MEF2D: variants seen among roughly 807,000 people sequenced by gnomAD.
The protein encoded by MEF2D is myocyte enhancer factor 2D.
Under a neutral mutation model 59.3 loss-of-function variants are expected in MEF2D, and 10 were observed. That is an observed-to-expected ratio of 0.17 (90% confidence interval 0.10 to 0.29). The LOEUF (loss-of-function observed/expected upper bound fraction) is 0.29, where lower values mean the gene tolerates loss of function less well. MEF2D is among the 10% of genes least tolerant of loss of function. The pLI is 1.00. For synonymous variants in MEF2D, 305 were observed against 295.0 expected (o/e 1.03, Z -0.35); for missense variants, 508 against 699.4 (o/e 0.73, Z 3.09).
At chr1:156,469,068 CAG>C in intron 9 of MEF2D, 48 bp from the exon 10 acceptor site, 1 of 1,553,934 alleles carries the variant, frequency 6.4e-7, no homozygotes, top group Non-Finnish European at 8.7e-7. Flanking sequence ...GGAGAGCACA[CAG>C]GCTCCTATGA....
intron 3 of MEF2D, among the ~76,000 whole-genome samples, chr1:156,481,875 C>T (rs191721714): frequency 3.4e-4 from 52 of 152,308 alleles, no homozygotes; most frequent in African/African-American, 1.1e-3. Context: ...CACCAAGGCT[C>T]GGGAAAGCCT....
intron 11 of MEF2D, 145 bp downstream of exon 11, chr1:156,467,848 T>G (rs1571211115): frequency 9.1e-6 from 10 of 1,093,674 alleles, no homozygotes; most frequent in Non-Finnish European, 1.0e-5. Flanking sequence ...GGTGAAGGGG[T>G]GTTGGTGCTG....
At position 156,483,293 on chromosome 1, in the gene MEF2D, C is replaced by G. The variant is rs759825218; in HGVS notation, c.-1G>C. ...GGATCTGAATCTTTTTCCTCCCCAT[C>G]TTCTCCGGGGGTCCTCAGTGCTACG... On this transcript the variant is annotated 5_prime_UTR_variant, in exon 2 of 12. Coordinates refer to ENST00000348159, the MANE Select transcript of MEF2D (RefSeq NM_005920.4). 4 of 1,614,192 alleles carry G rather than the reference C, an allele frequency of 2.5e-6. No individual in the cohort carries two copies. Among genetic ancestry groups the G allele is most frequent in the Non-Finnish European group, 2.5e-6 (3 of 1,180,030 alleles).
Position 156,466,282 on chromosome 1 carries a change from A to T in MEF2D, c.*1363T>A, listed in dbSNP as rs1039991063. 1.3e-5 allele frequency: 2 copies of T among 151,810 alleles called. No homozygotes were observed. Among genetic ancestry groups the T allele is most frequent in the Non-Finnish European group, 2.9e-5 (2 of 68,040 alleles). The allele number at this position is 151,810 out of a possible 1,614,324, so 9.4% of individuals were successfully genotyped here. A position where few individuals can be genotyped will look rare whatever the true frequency, so the allele number is the denominator to read the frequency against. On this transcript the variant is annotated 3_prime_UTR_variant, in exon 12 of 12. Coordinates refer to ENST00000348159, the MANE Select transcript of MEF2D (RefSeq NM_005920.4). ...TTTGACAAAAATAGAATCTCATTTC[A>T]TATCAATACAACAACAACAAAAAAA... is the stretch of plus-strand genomic sequence containing the variant.
chr1:156,467,983 G>A lies in MEF2D; in HGVS notation c.1554+10C>T. 4 of 1,604,752 alleles carry A rather than the reference G, an allele frequency of 2.5e-6. No individual in the cohort carries two copies. Among genetic ancestry groups the A allele is most frequent in the Non-Finnish European group, 3.4e-6 (4 of 1,175,928 alleles). ...GACACTGGCAGACAGGAGAGGTGAT[G>A]CTACAGTACCCAGGTATCAAGCCGC... is the stretch of plus-strand genomic sequence containing the variant. On this transcript the variant is annotated intron_variant, in intron 11 of 11. Coordinates refer to ENST00000348159, the MANE Select transcript of MEF2D (RefSeq NM_005920.4).
rs1366527509 is a variant in MEF2D, at chr1:156,476,498, T to C, written c.872A>G (p.Asp291Gly). ...LMHHLTEDHLDLNNAQRLGVS... is the reference protein window; with the variant it reads ...LMHHLTEDHLGLNNAQRLGVS... ...AGAGCTCACAGCCTCACTTACCAGATCTAAATGGTCCTCAGTCTGAGAGCA... is the reference window on the plus strand; with the variant it reads ...AGAGCTCACAGCCTCACTTACCAGACCTAAATGGTCCTCAGTCTGAGAGCA... Residue 291 changes from aspartate to glycine, a missense_variant, in exon 8 of 12, where the codon GAT becomes GGT. Physicochemically the swap from Asp to Gly is moderately conservative, Grantham distance 94. Coordinates refer to ENST00000348159, the MANE Select transcript of MEF2D (RefSeq NM_005920.4). 1 of 1,612,010 alleles carries C rather than the reference T, an allele frequency of 6.2e-7. No individual in the cohort carries two copies. Among genetic ancestry groups the C allele is most frequent in the Admixed American group, 1.7e-5 (1 of 59,698 alleles).
rs372403302 is a variant in MEF2D, at chr1:156,493,392, C to T, written c.-139+7094G>A. Among the ~76,000 whole-genome samples, 6 of 152,306 alleles carry T rather than the reference C, an allele frequency of 3.9e-5. No individual in the cohort carries two copies. The East Asian group carries it at 1.2e-3, about 29-fold the overall frequency. The stretch of plus-strand genomic sequence containing the variant: ...GCCGTTCAGGGCAATAGCTGGGTCT[C>T]CTTCTAACTCGAAGGACAGTCCTCT... On this transcript the variant is annotated intron_variant, in intron 1 of 11. Coordinates refer to ENST00000348159, the MANE Select transcript of MEF2D (RefSeq NM_005920.4).
chr1:156,480,140 T>C (rs997203253), intron 4 of MEF2D, among the ~76,000 whole-genome samples: 1 of 152,136 alleles, frequency 6.6e-6, no homozygotes, highest in African/African-American at 2.4e-5. Context: ...GAGGCCCTGA[T>C]AACAGACTCA....
rs760500829 is a variant in MEF2D, at chr1:156,482,646, GAGA to G, written c.55-9_55-7del. ...TTCCGCTTGGTGAAAGTCACCTGCA[GAGA>G]AGGATGGGTGGGCGGCCAGATCTGG... On this transcript the variant is annotated splice_polypyrimidine_tract_variant and splice_region_variant and intron_variant, in intron 2 of 11. Transcript: ENST00000348159. 3.1e-6 allele frequency: 5 copies of G among 1,614,202 alleles called. No homozygotes were observed. The highest frequency in any genetic ancestry group is 4.2e-6 in the Non-Finnish European group (5 of 1,180,022).
chr1:156,500,268 G>C (rs532503964), intron 1 of MEF2D, among the ~76,000 whole-genome samples: 20 of 152,058 alleles, frequency 1.3e-4, no homozygotes, highest in Middle Eastern at 3.4e-3. Flanking sequence ...CACTCCACTT[G>C]TCCCCCACGA....
chr1:156,471,945 C>T (rs1174442369), intron 9 of MEF2D, among the ~76,000 whole-genome samples: 2 of 152,228 alleles, frequency 1.3e-5, no homozygotes, highest in Admixed American at 6.5e-5. Flanking sequence ...GCTCCAAGGG[C>T]GGCCCAGGGG....
rs535287286 is a variant in MEF2D at position 156,483,893 on chromosome 1, T to C, written c.-138-463A>G. On this transcript the variant is annotated intron_variant, in intron 1 of 11. Transcript: ENST00000348159. ...AAGCATGGTATACCTGGTGCCAGGA[T>C]GGGATGTCTCTGGTGCCCCTGGCTC... Among the ~76,000 whole-genome samples, 9 of 152,306 alleles carry C rather than the reference T, an allele frequency of 5.9e-5. No homozygotes were observed. In the East Asian group the frequency reaches 1.7e-3, roughly 29 times the overall value.
chr1:156,477,343 A>G (rs1189856317), intron 6 of MEF2D, 141 bp from the exon 7 acceptor site: 1 of 676,028 alleles, frequency 1.5e-6, no homozygotes, highest in Non-Finnish European at 2.5e-6. Flanking sequence ...GAGCTATCTG[A>G]TATTCCCTGA....
At chr1:156,481,060 T>G in intron 3 of MEF2D, 89 bp from the exon 4 acceptor site, 4 of 1,566,604 alleles carry the variant, frequency 2.6e-6, no homozygotes, top group Non-Finnish European at 3.5e-6. Flanking sequence ...AAGGGCCCCC[T>G]ACTCTTCCCC....
intron 1 of MEF2D, among the ~76,000 whole-genome samples, chr1:156,493,253 T>A (rs1256554429): frequency 6.6e-6 from 1 of 152,060 alleles, no homozygotes; most frequent in African/African-American, 2.4e-5. Context: ...GTGGAAAACA[T>A]GAAGGGTTCA....
At chr1:156,498,348 A>G (rs1318193962) in intron 1 of MEF2D, among the ~76,000 whole-genome samples, 1 of 151,990 alleles carries the variant, frequency 6.6e-6, no homozygotes, top group African/African-American at 2.4e-5. Context: ...AGCTCTAGCC[A>G]ATTCCCCATG....
intron 4 of MEF2D, 71 bp downstream of exon 4, chr1:156,480,763 C>A: frequency 6.2e-7 from 1 of 1,608,860 alleles, no homozygotes; most frequent in Non-Finnish European, 8.5e-7. Context: ...ATTCCCTGTG[C>A]TTCTTGTGCA....
In MEF2D at chr1:156,483,401, T is replaced by C. The variant is rs1672151593; in HGVS notation, c.-109A>G. On this transcript the variant is annotated 5_prime_UTR_variant, in exon 2 of 12. An upstream start codon of the reference 5' UTR is lost. Coordinates refer to ENST00000348159, the MANE Select transcript of MEF2D (RefSeq NM_005920.4). Reference sequence around the variant, plus strand: ...CGGTCTGGGAACAGTGCTCAGTTCATGGTCTGCAGGATACCTTCTGCACAG... The same window carrying C: ...CGGTCTGGGAACAGTGCTCAGTTCACGGTCTGCAGGATACCTTCTGCACAG... 9.3e-7 allele frequency: 1 copy of C among 1,072,330 alleles called. No homozygotes were observed. Among genetic ancestry groups the C allele is most frequent in the Admixed American group, 1.7e-5 (1 of 57,322 alleles). The allele number at this position is 1,072,330 out of a possible 1,614,324, so 66.4% of individuals were successfully genotyped here.
At chr1:156,471,959 A>G (rs1005178448) in intron 9 of MEF2D, among the ~76,000 whole-genome samples, 6 of 152,214 alleles carry the variant, frequency 3.9e-5, no homozygotes, top group African/African-American at 9.6e-5. Flanking sequence ...CCAGGGGCAG[A>G]AACTGCTTTC....
Sources: gnomAD v4.1 joint callset for allele counts (sites outside exome capture counted in the v4.1 genomes callset) on GRCh38, gnomAD v4.1.1 for gene constraint, MANE v1.5 for transcripts, NCBI Gene and HGNC (gene_info 2026-07-23, HGNC 2026-07-21) for gene names.